Variants in BTBD2 observed in about 807,000 individuals in gnomAD.
BTBD2 encodes BTB domain containing 2.
Under a neutral mutation model 44.0 loss-of-function variants are expected in BTBD2, and 15 were observed. The observed-to-expected ratio is 0.34, with a 90% CI of 0.23 to 0.53. BTBD2 has a LOEUF of 0.53. BTBD2 is among the 20% of genes least tolerant of loss of function. The pLI, the probability that BTBD2 is intolerant of heterozygous loss-of-function variation, is 0.95. For missense variants in BTBD2, 657 were observed against 746.4 expected, an observed-to-expected ratio of 0.88 and a Z score of 1.39; for synonymous variants, 443 against 335.9, an observed-to-expected ratio of 1.32 and a Z score of -3.49.
chr19:2,012,058 G>A (rs1377428543), intron 1 of BTBD2, among the ~76,000 whole-genome samples: 6 of 151,628 alleles, frequency 4.0e-5, no homozygotes, highest in African/African-American at 1.5e-4. Context: ...GTTTCACCAC[G>A]TTGGCCAGGA....
intron 1 of BTBD2, among the ~76,000 whole-genome samples, chr19:2,013,035 AGAGACAGGGACG>A (rs1304147983): frequency 6.6e-6 from 1 of 152,192 alleles, no homozygotes; most frequent in Admixed American, 6.5e-5. Flanking sequence ...TAAGGACGAC[AGAGACAGGGACG>A]GCGACACGGA....
chr19:1,988,149 G>A (rs905087983), intron 5 of BTBD2: 6 of 165,000 alleles, frequency 3.6e-5, no homozygotes, highest in Admixed American at 5.7e-5. Flanking sequence ...TCCTCTCCAC[G>A]GTGGGCCCTA....
chr19:2,015,569 G>C lies in BTBD2; in HGVS notation c.135C>G (p.Ala45=), dbSNP rs1599364922. 1.4e-6 allele frequency: 1 copy of C among 710,724 alleles called. No homozygotes were observed. Among genetic ancestry groups the C allele is most frequent in the Non-Finnish European group, 1.7e-6 (1 of 596,278 alleles). 44.0% of individuals were successfully genotyped at this position (710,724 alleles called of 1,614,324 possible). A position where few individuals can be genotyped will look rare whatever the true frequency, so the allele number is the denominator to read the frequency against. Residue 45 remains alanine (A), a synonymous_variant, in exon 1 of 9, where the codon GCC becomes GCG. Coordinates refer to ENST00000255608, the MANE Select transcript of BTBD2 (RefSeq NM_017797.4). ...CGGCGGCGGCGGCGGCGGCGGCGGC[G>C]GCGGCGGCGGCCGCGTTGCCGGGGG... is the stretch of plus-strand genomic sequence containing the variant. ...TPAPGNAAAA[A]AAAAAAAAAP...
At chr19:1,995,586 T>C (rs961111884) in intron 2 of BTBD2, among the ~76,000 whole-genome samples, 1 of 150,948 alleles carries the variant, frequency 6.6e-6, no homozygotes, top group African/African-American at 2.4e-5. Context: ...CTGGCCACTT[T>C]GGATTCTTCT....
intron 2 of BTBD2, 53 bp from the exon 3 acceptor site, chr19:1,993,229 G>T: frequency 1.9e-6 from 3 of 1,556,610 alleles, no homozygotes; most frequent in Non-Finnish European, 2.6e-6. Context: ...CCCGCCCCCA[G>T]GGGAGAGCGT....
chr19:1,986,992 A>G lies in BTBD2; in HGVS notation c.1270-16T>C. 6.2e-7 allele frequency: 1 copy of G among 1,608,244 alleles called. No individual in the cohort carries two copies. The highest frequency in any genetic ancestry group is 8.5e-7 in the Non-Finnish European group (1 of 1,176,656). Reference sequence around the variant, plus strand: ...TGTGAATAATCTGCGGGGAGGTGGGAAGTGGGAGGCTCAGGCCTGGGGAGG... The same window carrying G: ...TGTGAATAATCTGCGGGGAGGTGGGGAGTGGGAGGCTCAGGCCTGGGGAGG... On this transcript the variant is annotated splice_polypyrimidine_tract_variant and intron_variant, in intron 7 of 8. Transcript: ENST00000255608.
rs1238550143 is a variant in BTBD2, at chr19:2,015,558, G to A, written c.146C>T (p.Ala49Val). ...CGGCCCAGGGGCGGCGGCGGCGGCG[G>A]CGGCGGCGGCGGCGGCGGCGGCCGC... ...GNAAAAAAAA[A>V]AAAAAPGPTP... The change falls in exon 1 of 9, where the codon GCC becomes GTC. Residue 49 changes from alanine (A) to valine (V), a missense_variant. By Grantham distance (64) the Ala-to-Val change is moderately conservative (BLOSUM62 0). This residue lies in a region of BTBD2 where 191 missense variants were observed against 188.5 expected (regional missense o/e 1.01). Coordinates refer to ENST00000255608, the MANE Select transcript of BTBD2 (RefSeq NM_017797.4). 4.2e-6 allele frequency: 4 copies of A among 943,222 alleles called. No homozygotes were observed. The African/African-American group carries it at 7.5e-5, about 18-fold the overall frequency. 58.4% of individuals were successfully genotyped at this position (943,222 alleles called of 1,614,324 possible). A position where few individuals can be genotyped will look rare whatever the true frequency, so the allele number is the denominator to read the frequency against.
chr19:1,986,662 G>GGGGTACAGTGAGGTCAAGGACC lies in BTBD2; in HGVS notation c.1417-35_1417-14dup. On this transcript the variant is annotated splice_polypyrimidine_tract_variant and intron_variant, in intron 8 of 8. Transcript: ENST00000255608. ...GGGAGTCTGGGCCCTGTAGGGAATA[G>GGGGTACAGTGAGGTCAAGGACC]GGGTACAGTGAGGTCAAGGACCACC... is the stretch of plus-strand genomic sequence containing the variant. 1.2e-6 allele frequency: 2 copies of GGGGTACAGTGAGGTCAAGGACC among 1,612,286 alleles called. No homozygotes were observed.
At chr19:2,015,265 G>C (rs1451341841) in intron 1 of BTBD2, 32 bp downstream of exon 1, 7 of 1,526,380 alleles carry the variant, frequency 4.6e-6, no homozygotes, top group South Asian at 1.2e-5. Flanking sequence ...TGGGTGGGTC[G>C]GGGCCAGGGC....
At chr19:1,997,261 G>A in intron 2 of BTBD2, 83 bp downstream of exon 2, 1 of 1,582,304 alleles carries the variant, frequency 6.3e-7, no homozygotes, top group Non-Finnish European at 8.6e-7. Flanking sequence ...GGGCCTCTGA[G>A]CTGGTGTCAG....
At chr19:2,014,963 G>A (rs888329156) in intron 1 of BTBD2, among the ~76,000 whole-genome samples, 3 of 151,468 alleles carry the variant, frequency 2.0e-5, no homozygotes, top group Admixed American at 2.0e-4. Context: ...CAGGGACAGA[G>A]GGGTGCAGAG....
chr19:1,987,312 G>A (rs944023771), intron 6 of BTBD2, 59 bp from the exon 7 acceptor site: 3 of 1,585,566 alleles, frequency 1.9e-6, no homozygotes, highest in African/African-American at 2.7e-5. Flanking sequence ...AAGGTGAGCT[G>A]GGGCGAGCCC....
chr19:1,990,600 G>T, intron 4 of BTBD2, 117 bp downstream of exon 4: 1 of 958,300 alleles, frequency 1.0e-6, no homozygotes, highest in Non-Finnish European at 1.6e-6. Flanking sequence ...GCTGCAAGTG[G>T]TGAGGCCCCA....
intron 1 of BTBD2, among the ~76,000 whole-genome samples, chr19:2,007,281 G>A (rs975080920): frequency 2.0e-5 from 3 of 152,208 alleles, no homozygotes; most frequent in African/African-American, 7.2e-5. Flanking sequence ...GTAATCCACT[G>A]CACCTGGCCA....
chr19:2,001,038 C>A lies in BTBD2; in HGVS notation c.408-3575G>T, dbSNP rs536861747. 2.0e-5 allele frequency among the ~76,000 whole-genome samples: 3 copies of A among 152,328 alleles called. No homozygotes were observed. The South Asian group carries it at 6.2e-4, about 32-fold the overall frequency. Reference sequence around the variant, plus strand: ...GTGGCTCACGCCTGTACTCCCAGCACTTTGGGAGGCTGAGGCGGGCGGCTC... The same window carrying A: ...GTGGCTCACGCCTGTACTCCCAGCAATTTGGGAGGCTGAGGCGGGCGGCTC... On this transcript the variant is annotated intron_variant, in intron 1 of 8. Transcript: ENST00000255608.
Position 2,001,324 on chromosome 19 carries a change from G to A in BTBD2, c.408-3861C>T, listed in dbSNP as rs532540209. On this transcript the variant is annotated intron_variant, in intron 1 of 8. Transcript: ENST00000255608. ...ATCCTGGCTAACACGGTGAAACCCC[G>A]TCTCTACTAAAAATACAAAATATTA... Among the ~76,000 whole-genome samples the A allele has an allele frequency of 5.3e-5, 8 of 151,932 alleles. No homozygotes were observed. The South Asian group carries it at 6.2e-4, about 12-fold the overall frequency.
chr19:2,005,578 T>TC (rs1308793572), intron 1 of BTBD2, among the ~76,000 whole-genome samples: 1 of 151,956 alleles, frequency 6.6e-6, no homozygotes, highest in African/African-American at 2.4e-5. Context: ...GGTCAGGAGT[T>TC]CGAGACCAGC....
At chr19:1,999,260 G>A (rs948402083) in intron 1 of BTBD2, among the ~76,000 whole-genome samples, 3 of 152,174 alleles carry the variant, frequency 2.0e-5, no homozygotes, top group Non-Finnish European at 2.9e-5. Context: ...TTCCACATCC[G>A]CCCCGAACCT....
chr19:2,012,834 A>G (rs925581104), intron 1 of BTBD2, among the ~76,000 whole-genome samples: 2 of 152,130 alleles, frequency 1.3e-5, no homozygotes, highest in African/African-American at 2.4e-5. Context: ...TACATGTCCC[A>G]AGGTCAGCCG....
Sources: gnomAD v4.1 joint callset for allele counts (sites outside exome capture counted in the v4.1 genomes callset) on GRCh38, gnomAD v4.1.1 for gene constraint, gnomAD v4.1.1 regional missense constraint, MANE v1.5 for transcripts, NCBI Gene and HGNC (gene_info 2026-07-23, HGNC 2026-07-21) for gene names.